Variants in LIN7A observed in about 807,000 individuals in gnomAD.
The protein encoded by LIN7A is protein lin-7 homolog A.
LIN7A carries 25 observed loss-of-function variants against 29.8 expected under a neutral mutation model. That is an observed-to-expected ratio of 0.84 (90% CI 0.61 to 1.17). The LOEUF is 1.17. LIN7A is among the 50% of genes most tolerant of loss of function. LIN7A has a pLI of 0.00. For synonymous variants in LIN7A, 118 were observed against 107.5 expected (o/e 1.10, Z -0.60); for missense variants, 239 against 287.0 (o/e 0.83, Z 1.21).
chr12:80,823,621 C>A (rs146574014), intron 4 of LIN7A, among the ~76,000 whole-genome samples: 3 of 152,340 alleles, frequency 2.0e-5, no homozygotes, highest in African/African-American at 7.2e-5. Context: ...AGAAGCTGAG[C>A]ACAACTTGCC....
chr12:80,891,328 A>G (rs533135306), intron 1 of LIN7A, among the ~76,000 whole-genome samples: 1 of 152,214 alleles, frequency 6.6e-6, no homozygotes, highest in Non-Finnish European at 1.5e-5. Flanking sequence ...CCCATTCCCT[A>G]CAGAGTAAAG....
intron 2 of LIN7A, chr12:80,860,861 G>A (rs1216672678): frequency 6.6e-6 from 1 of 152,206 alleles, no homozygotes; most frequent in African/African-American, 2.4e-5. Flanking sequence ...TTTGCATTAA[G>A]TTTCTTTTGA....
At chr12:80,912,127 G>T (rs1876780289) in intron 1 of LIN7A, among the ~76,000 whole-genome samples, 1 of 152,134 alleles carries the variant, frequency 6.6e-6, no homozygotes, top group African/African-American at 2.4e-5. Flanking sequence ...CAGGAAATTA[G>T]TATGCTGGTT....
intron 1 of LIN7A, among the ~76,000 whole-genome samples, chr12:80,893,377 C>T (rs952402066): frequency 6.6e-6 from 1 of 152,128 alleles, no homozygotes; most frequent in African/African-American, 2.4e-5. Flanking sequence ...ATCTACTAAA[C>T]AAGTTGTTGT....
intron 2 of LIN7A, among the ~76,000 whole-genome samples, chr12:80,865,754 AGAT>A (rs1277090314): frequency 6.6e-6 from 1 of 152,214 alleles, no homozygotes; most frequent in African/African-American, 2.4e-5. Context: ...CTGGAGAGGT[AGAT>A]GATGATAAGT....
At chr12:80,870,723 A>C (rs1318002063) in intron 2 of LIN7A, among the ~76,000 whole-genome samples, 1 of 152,246 alleles carries the variant, frequency 6.6e-6, no homozygotes, top group Non-Finnish European at 1.5e-5. Context: ...AAAACTGTTG[A>C]GCCAAGACTA....
intron 4 of LIN7A, among the ~76,000 whole-genome samples, chr12:80,813,792 C>T (rs1273397604): frequency 6.6e-6 from 1 of 152,130 alleles, no homozygotes; most frequent in East Asian, 1.9e-4. Context: ...GAGCGGATCA[C>T]CAGGGCAGAT....
chr12:80,833,839 G>T (rs537794822), intron 4 of LIN7A, among the ~76,000 whole-genome samples: 201 of 152,198 alleles, frequency 1.3e-3, no homozygotes, highest in Non-Finnish European at 2.0e-3. Flanking sequence ...GGTGTTGTTT[G>T]CTTGTTTTTA....
chr12:80,801,936 G>A (rs926054437), intron 5 of LIN7A, among the ~76,000 whole-genome samples: 1 of 143,586 alleles, frequency 7.0e-6, no homozygotes, highest in East Asian at 2.0e-4. Context: ...TTCCTCCGTT[G>A]CCCAAGCTGG....
chr12:80,829,143 C>G (rs1242414882), intron 4 of LIN7A, among the ~76,000 whole-genome samples: 4 of 152,130 alleles, frequency 2.6e-5, no homozygotes, highest in African/African-American at 9.7e-5. Context: ...GCAGAGCTTT[C>G]AAGTAGTTTG....
chr12:80,931,650 A>C (rs1877914505), intron 1 of LIN7A, among the ~76,000 whole-genome samples: 1 of 151,988 alleles, frequency 6.6e-6, no homozygotes. Flanking sequence ...AGAAAAAAAA[A>C]AAAAAAATGG....
chr12:80,853,382 G>C (rs1466250941), intron 2 of LIN7A, among the ~76,000 whole-genome samples: 1 of 150,704 alleles, frequency 6.6e-6, no homozygotes, highest in Non-Finnish European at 1.5e-5. Context: ...AAAATGAAAA[G>C]ACAAGCCAAC....
At chr12:80,849,596 T>C (rs1592892968) in intron 2 of LIN7A, among the ~76,000 whole-genome samples, 2 of 152,230 alleles carry the variant, frequency 1.3e-5, no homozygotes, top group Non-Finnish European at 2.9e-5. Flanking sequence ...CTGCTGCCCT[T>C]ACTGCAAAGG....
chr12:80,841,388 G>GAAGT (rs1872809191), intron 4 of LIN7A, among the ~76,000 whole-genome samples: 1 of 149,572 alleles, frequency 6.7e-6, no homozygotes, highest in Non-Finnish European at 1.5e-5. Context: ...AGGAAGGAAG[G>GAAGT]AAGGAAGGAA....
At chr12:80,914,847 C>T (rs1830955956) in intron 1 of LIN7A, among the ~76,000 whole-genome samples, 1 of 152,146 alleles carries the variant, frequency 6.6e-6, no homozygotes, top group African/African-American at 2.4e-5. Flanking sequence ...TTAAGACCAG[C>T]CTAGGCAACA....
chr12:80,935,643 A>G (rs1409182571), intron 1 of LIN7A: 2 of 238,556 alleles, frequency 8.4e-6, no homozygotes, highest in East Asian at 1.9e-4. Context: ...ACGGAGAACA[A>G]TATTTATATA....
chr12:80,933,355 A>T (rs1307374021), intron 1 of LIN7A, among the ~76,000 whole-genome samples: 1 of 152,196 alleles, frequency 6.6e-6, no homozygotes, highest in Non-Finnish European at 1.5e-5. Flanking sequence ...TGAAAGACAG[A>T]TAAGTTGTGA....
intron 1 of LIN7A, among the ~76,000 whole-genome samples, chr12:80,929,525 A>G (rs1877774862): frequency 6.6e-6 from 1 of 152,172 alleles, no homozygotes; most frequent in Admixed American, 6.5e-5. Flanking sequence ...GAAATCCAAC[A>G]ATGCAATCAT....
At chr12:80,899,395 G>C (rs927552642) in intron 1 of LIN7A, among the ~76,000 whole-genome samples, 46 of 152,140 alleles carry the variant, frequency 3.0e-4, no homozygotes, top group African/African-American at 1.1e-3. Context: ...ACATTTTGTT[G>C]AGGATTTTTG....
Sources: allele counts gnomAD v4.1 joint callset (sites outside exome capture counted in the v4.1 genomes callset), GRCh38; gene constraint gnomAD v4.1.1; transcripts MANE v1.5; gene names NCBI Gene and HGNC (gene_info 2026-07-23, HGNC 2026-07-21).